CHUK: variants seen among roughly 807,000 people sequenced by gnomAD.
CHUK encodes inhibitor of nuclear factor kappa-B kinase subunit alpha.
A neutral mutation model predicts 104.8 loss-of-function variants in CHUK; 35 were observed. The ratio of observed to expected loss-of-function variants is 0.33; its 90% CI spans 0.26 to 0.44. The LOEUF (loss-of-function observed/expected upper bound fraction) is 0.44. Among genes scored for constraint, CHUK ranks in the 20% least tolerant of loss-of-function variants. The pLI, the probability that CHUK is intolerant of heterozygous loss-of-function variation, is 1.00. For synonymous variants in CHUK, 276 were observed against 291.9 expected (o/e 0.95, Z 0.56); for missense variants, 663 against 902.7 (o/e 0.73, Z 3.40).
intron 12 of CHUK, 90 bp from the exon 13 acceptor site, chr10:100,204,747 AC>A: frequency 1.8e-6 from 2 of 1,085,966 alleles, no homozygotes; most frequent in Non-Finnish European, 2.7e-6. Flanking sequence ...ATAAACTGCC[AC>A]AAGGCCAAAG....
intron 15 of CHUK, among the ~76,000 whole-genome samples, chr10:100,200,243 C>T (rs1195511612): frequency 6.6e-6 from 1 of 152,138 alleles, no homozygotes; most frequent in African/African-American, 2.4e-5. Context: ...ATCATGGGGA[C>T]ATCTCTGCAC....
At chr10:100,215,641 AT>A (rs1278842170) in intron 9 of CHUK, among the ~76,000 whole-genome samples, 1 of 152,242 alleles carries the variant, frequency 6.6e-6, no homozygotes, top group African/African-American at 2.4e-5. Context: ...CAGTTGGAAA[AT>A]ATGCATACAA....
intron 3 of CHUK, 138 bp from the exon 4 acceptor site, chr10:100,222,319 C>T: frequency 1.6e-6 from 1 of 635,136 alleles, no homozygotes; most frequent in Non-Finnish European, 2.8e-6. Flanking sequence ...AATAAAATTA[C>T]CAAATCCATA....
chr10:100,213,344 C>T (rs963760468), intron 9 of CHUK, among the ~76,000 whole-genome samples: 1 of 151,980 alleles, frequency 6.6e-6, no homozygotes, highest in African/African-American at 2.4e-5. Flanking sequence ...ATTAGTTGGC[C>T]ATGATGGCGC....
intron 19 of CHUK, chr10:100,192,800 A>C (rs1845234639): frequency 2.2e-6 from 2 of 899,858 alleles, no homozygotes; most frequent in Non-Finnish European, 2.7e-6. Flanking sequence ...GATTTAAAAC[A>C]CTGAAAAAAG....
At chr10:100,207,590 C>G (rs1347219478) in intron 10 of CHUK, among the ~76,000 whole-genome samples, 1 of 152,050 alleles carries the variant, frequency 6.6e-6, no homozygotes, top group Non-Finnish European at 1.5e-5. Context: ...AAAAACTAAT[C>G]GGTAATCAAA....
Position 100,194,297 on chromosome 10 carries a change from A to C in CHUK, c.1826+128T>G. On this transcript the variant is annotated intron_variant, in intron 17 of 20. Coordinates refer to ENST00000370397, the MANE Select transcript of CHUK (RefSeq NM_001278.5). ...ACATAAATGCAGATAGCTATGGCCA[A>C]GCTACCCAAGGTACCTTCAGAATTC... The C allele has an allele frequency of 3.8e-6, 4 of 1,048,080 alleles. No individual in the cohort carries two copies. The Admixed American group carries it at 7.8e-5, about 20-fold the overall frequency. The allele number at this position is 1,048,080 out of a possible 1,614,324, so 64.9% of individuals were successfully genotyped here.
chr10:100,224,240 A>G (rs1415519337), intron 2 of CHUK, among the ~76,000 whole-genome samples: 1 of 152,218 alleles, frequency 6.6e-6, no homozygotes, highest in Non-Finnish European at 1.5e-5. Flanking sequence ...CAACATTCAT[A>G]TAAGTGAGCA....
chr10:100,199,440 C>T (rs887705047), intron 16 of CHUK, among the ~76,000 whole-genome samples: 1 of 152,324 alleles, frequency 6.6e-6, no homozygotes, highest in Admixed American at 6.5e-5. Flanking sequence ...GATTCTCCTG[C>T]CTCATCCTCC....
chr10:100,207,380 A>T (rs1192956455), intron 10 of CHUK, 48 bp from the exon 11 acceptor site: 2 of 945,566 alleles, frequency 2.1e-6, no homozygotes, highest in South Asian at 1.3e-5. Flanking sequence ...ATCTTTGAAA[A>T]TCCTAGGTTT....
chr10:100,188,217 A>G (rs1176200400), downstream of CHUK: 3 of 152,374 alleles, frequency 2.0e-5, no homozygotes, highest in Non-Finnish European at 2.9e-5. Context: ...GTTGCCCAAT[A>G]CTACCTTTAC....
chr10:100,224,523 G>A (rs566006721), intron 2 of CHUK, among the ~76,000 whole-genome samples: 36 of 150,940 alleles, frequency 2.4e-4, no homozygotes, highest in African/African-American at 5.8e-4. Context: ...CGCAACCTCC[G>A]CCTCCCGGGT....
chr10:100,222,007 A>G, intron 4 of CHUK, 105 bp downstream of exon 4: 1 of 659,172 alleles, frequency 1.5e-6, no homozygotes. Context: ...TTGAAATTCT[A>G]TAGACTTTGT....
At chr10:100,219,447 G>A in intron 5 of CHUK, 88 bp from the exon 6 acceptor site, 1 of 807,900 alleles carries the variant, frequency 1.2e-6, no homozygotes, top group Non-Finnish European at 2.1e-6. Context: ...CTGTAGACAG[G>A]GTAGTGGTGA....
Position 100,193,398 on chromosome 10 carries a change from T to A in CHUK, c.2008A>T (p.Ser670Cys), listed in dbSNP as rs1244094187. The part of the protein sequence containing the change: ...QSSARSLVGS[S>C]LEGAVTPQTS... ...TGAGGGGTTACTGCACCTTCTAGAC[T>A]GGATCCTACAAGGGACCGGGCAGAA... is the stretch of plus-strand genomic sequence containing the variant. Residue 670 changes from serine (S) to cysteine (C), a missense_variant, in exon 19 of 21, where the codon AGT (serine) becomes TGT (cysteine). Physicochemically the swap from Ser to Cys is moderately radical, Grantham distance 112. Around this residue, in one of 5 missense-constraint regions of CHUK, gnomAD observed 311 missense variants for 393.4 expected, o/e 0.79. Coordinates refer to ENST00000370397, the MANE Select transcript of CHUK (RefSeq NM_001278.5). 6.2e-7 allele frequency: 1 copy of A among 1,614,182 alleles called. No homozygotes were observed. Among genetic ancestry groups the A allele is most frequent in the South Asian group, 1.1e-5 (1 of 91,090 alleles).
intron 20 of CHUK, 134 bp downstream of exon 20, chr10:100,190,735 C>T: frequency 2.7e-6 from 2 of 746,506 alleles, no homozygotes; most frequent in South Asian, 2.8e-5. Flanking sequence ...GAGGATATTC[C>T]CCAAATGCTC....
intron 2 of CHUK, 78 bp from the exon 3 acceptor site, chr10:100,223,058 T>C (rs1846026382): frequency 2.7e-6 from 2 of 731,692 alleles, no homozygotes; most frequent in Non-Finnish European, 4.9e-6. Context: ...GCTACTTAAT[T>C]GTGGGTGGAT....
chr10:100,226,420 T>TC (rs1846107188), intron 1 of CHUK, among the ~76,000 whole-genome samples: 1 of 152,110 alleles, frequency 6.6e-6, no homozygotes, highest in African/African-American at 2.4e-5. Flanking sequence ...CTTCCTGGAC[T>TC]CCAAACAGCA....
chr10:100,217,947 T>C (rs761199826), intron 9 of CHUK, 48 bp downstream of exon 9: 1 of 1,556,182 alleles, frequency 6.4e-7, no homozygotes. Flanking sequence ...CCAAATAAAC[T>C]TGTTACTTTC....
Sources: allele counts gnomAD v4.1 joint callset (sites outside exome capture counted in the v4.1 genomes callset), GRCh38; gene constraint gnomAD v4.1.1; regional missense constraint gnomAD v4.1.1; transcripts MANE v1.5; gene names NCBI Gene and HGNC (gene_info 2026-07-23, HGNC 2026-07-21).